Variants in PPP1R21 observed in about 807,000 individuals in gnomAD.
PPP1R21 encodes protein phosphatase 1 regulatory subunit 21.
In PPP1R21, 85 loss-of-function variants were observed where a neutral mutation model predicts 112.8. The ratio of observed to expected loss-of-function variants is 0.75; its 90% CI spans 0.63 to 0.90. The LOEUF is 0.90. Among genes scored for constraint, PPP1R21 ranks in the 40% least tolerant of loss-of-function variants. PPP1R21 has a pLI of 0.00. For synonymous variants in PPP1R21, 381 were observed against 322.3 expected (o/e 1.18, Z -1.95); for missense variants, 1,199 against 901.5 (o/e 1.33, Z -4.23).
At chr2:48,470,014 A>G (rs1266456705) in intron 9 of PPP1R21, among the ~76,000 whole-genome samples, 1 of 152,160 alleles carries the variant, frequency 6.6e-6, no homozygotes, top group Non-Finnish European at 1.5e-5. Flanking sequence ...GGTCAGTTGA[A>G]TCACATTTCT....
In PPP1R21 at chr2:48,478,564, G is replaced by A. The variant is rs979821843; in HGVS notation, c.1226-1360G>A. ...TGATTGCTCTCATTTTCAAAATGTC[G>A]TGGGGCATCAATTGTCTATTCAGAG... On this transcript the variant is annotated intron_variant, in intron 12 of 21. Coordinates refer to ENST00000294952, the MANE Select transcript of PPP1R21 (RefSeq NM_001135629.3). 6.6e-5 allele frequency among the ~76,000 whole-genome samples: 10 copies of A among 152,252 alleles called. No individual in the cohort carries two copies. The East Asian group carries it at 1.4e-3, about 21-fold the overall frequency.
intron 17 of PPP1R21, among the ~76,000 whole-genome samples, chr2:48,503,081 A>G (rs1293056138): frequency 1.3e-5 from 2 of 152,190 alleles, no homozygotes; most frequent in Non-Finnish European, 2.9e-5. Flanking sequence ...CACCTATTAT[A>G]TATTATAAAA....
At chr2:48,484,532 T>TTG (rs1669185424) in intron 13 of PPP1R21, among the ~76,000 whole-genome samples, 1 of 95,620 alleles carries the variant, frequency 1.0e-5, no homozygotes, top group Non-Finnish European at 2.3e-5. Context: ...TTTTTTTTTT[T>TTG]TCTGGACTGA....
intron 1 of PPP1R21, among the ~76,000 whole-genome samples, chr2:48,443,512 A>C (rs534024281): frequency 3.9e-4 from 59 of 152,358 alleles, no homozygotes; most frequent in African/African-American, 1.3e-3. Context: ...TAATCAGGGT[A>C]GAAATTGGGA....
At chr2:48,456,106 T>G (rs1046599717) in intron 3 of PPP1R21, among the ~76,000 whole-genome samples, 11 of 152,126 alleles carry the variant, frequency 7.2e-5, no homozygotes, top group African/African-American at 2.7e-4. Context: ...TAGCATTTAT[T>G]CTTACGAGGC....
chr2:48,515,126 G>T lies in PPP1R21; in HGVS notation c.*382G>T. ...ATCTATGGAATAGATATATGTTTCT[G>T]GAAAAAAATGCTTAAATTGTCAAAC... On this transcript the variant is annotated 3_prime_UTR_variant, in exon 22 of 22. Coordinates refer to ENST00000294952, the MANE Select transcript of PPP1R21 (RefSeq NM_001135629.3). 1 of 169,796 alleles carries T rather than the reference G, an allele frequency of 5.9e-6. No homozygotes were observed. Among genetic ancestry groups the T allele is most frequent in the Non-Finnish European group, 1.2e-5 (1 of 80,344 alleles). The allele number at this position is 169,796 out of a possible 1,614,324, so 10.5% of individuals were successfully genotyped here.
chr2:48,493,678 ATAAT>A (rs1187337821), intron 15 of PPP1R21, among the ~76,000 whole-genome samples: 1 of 152,222 alleles, frequency 6.6e-6, no homozygotes, highest in Non-Finnish European at 1.5e-5. Flanking sequence ...AAGGATCTAA[ATAAT>A]TATTTTTTTT....
At chr2:48,453,384 C>T (rs984443717) in intron 2 of PPP1R21, among the ~76,000 whole-genome samples, 19 of 151,876 alleles carry the variant, frequency 1.3e-4, no homozygotes, top group Admixed American at 1.0e-3. Flanking sequence ...ATAGAGATGA[C>T]GTCTCACTAT....
Position 48,465,599 on chromosome 2 carries a change from C to T in PPP1R21, c.854C>T (p.Pro285Leu), listed in dbSNP as rs750743243. ...TYTEQRIQIF[P>L]VDSAIDTISP... is the part of the protein sequence containing the mutation. ...ACAGAACAGAGGATTCAAATTTTTC[C>T]TGTTGATTCTGCCATTGACACTATA... The change falls in exon 9 of 22, where the codon CCT becomes CTT. Residue 285 changes from proline to leucine, a missense_variant. Coordinates refer to ENST00000294952, the MANE Select transcript of PPP1R21 (RefSeq NM_001135629.3). 1.2e-6 allele frequency: 2 copies of T among 1,613,630 alleles called. No homozygotes were observed. The highest frequency in any genetic ancestry group is 2.2e-5 in the East Asian group (1 of 44,866).
Position 48,493,883 on chromosome 2 carries a change from C to T in PPP1R21, c.1600-1796C>T, listed in dbSNP as rs564046187. ...AGTTAGTGTAGCTTATACTGATGCT[C>T]CTTGACTTATGATGGGATTACGTCC... On this transcript the variant is annotated intron_variant, in intron 15 of 21. Transcript: ENST00000294952. Among the ~76,000 whole-genome samples the T allele has an allele frequency of 3.9e-5, 6 of 151,934 alleles. No individual in the cohort carries two copies. The South Asian group carries it at 1.2e-3, about 32-fold the overall frequency.
chr2:48,461,319 G>A, intron 7 of PPP1R21, 87 bp downstream of exon 7: 5 of 1,365,556 alleles, frequency 3.7e-6, no homozygotes, highest in Non-Finnish European at 4.7e-6. Context: ...TAATCTTTTG[G>A]GCAAAAAATT....
intron 15 of PPP1R21, among the ~76,000 whole-genome samples, chr2:48,494,176 C>T (rs1669700910): frequency 8.0e-6 from 1 of 125,052 alleles, no homozygotes; most frequent in African/African-American, 3.0e-5. Context: ...GAGGTCAAGG[C>T]TGCAGTGAGT....
At chr2:48,462,083 G>C (rs1572843618) in intron 7 of PPP1R21, among the ~76,000 whole-genome samples, 1 of 152,310 alleles carries the variant, frequency 6.6e-6, no homozygotes, top group East Asian at 1.9e-4. Flanking sequence ...ATTTGAAACT[G>C]TGGCATTACA....
In PPP1R21 at chr2:48,479,654, C is replaced by T. The variant is rs1050801759; in HGVS notation, c.1226-270C>T. The T allele has an allele frequency of 3.3e-5, 20 of 612,982 alleles. No homozygotes were observed. The Middle Eastern group carries it at 8.1e-4, about 25-fold the overall frequency. The allele number at this position is 612,982 out of a possible 1,614,324, so 38.0% of individuals were successfully genotyped here. A position where few individuals can be genotyped will look rare whatever the true frequency, so the allele number is the denominator to read the frequency against. ...AACATTCACAAAGACTTTCGTTTTACAAAGAATCATGACAGACTTAATCCT... is the reference window on the plus strand; with the variant it reads ...AACATTCACAAAGACTTTCGTTTTATAAAGAATCATGACAGACTTAATCCT... On this transcript the variant is annotated intron_variant, in intron 12 of 21. Coordinates refer to ENST00000294952, the MANE Select transcript of PPP1R21 (RefSeq NM_001135629.3).
chr2:48,477,520 T>C (rs1668812697), intron 12 of PPP1R21, among the ~76,000 whole-genome samples: 1 of 152,214 alleles, frequency 6.6e-6, no homozygotes, highest in Non-Finnish European at 1.5e-5. Flanking sequence ...CTGGGTACCC[T>C]TGTGGAGAAT....
intron 17 of PPP1R21, among the ~76,000 whole-genome samples, chr2:48,500,055 C>G (rs972359934): frequency 1.3e-5 from 2 of 152,028 alleles, no homozygotes; most frequent in Non-Finnish European, 2.9e-5. Context: ...CTCACTGATG[C>G]TATTGAAGAG....
At chr2:48,452,257 T>C (rs906471783) in intron 2 of PPP1R21, among the ~76,000 whole-genome samples, 3 of 152,212 alleles carry the variant, frequency 2.0e-5, no homozygotes, top group African/African-American at 7.2e-5. Context: ...ATGGCAGTAA[T>C]GGTAGGAACA....
chr2:48,456,333 A>G (rs1464860909), intron 3 of PPP1R21, among the ~76,000 whole-genome samples: 1 of 151,326 alleles, frequency 6.6e-6, no homozygotes, highest in Admixed American at 6.6e-5. Flanking sequence ...CCACAAATGT[A>G]TGTATTGAGG....
At position 48,467,543 on chromosome 2, in the gene PPP1R21, C is replaced by T. The variant is rs374521944; in HGVS notation, c.897+1901C>T. Among the ~76,000 whole-genome samples the T allele has an allele frequency of 6.6e-5, 10 of 152,134 alleles. No homozygotes were observed. In the South Asian group the frequency reaches 1.9e-3, roughly 28 times the overall value. The stretch of plus-strand genomic sequence containing the variant: ...CTGGGGGATTTGCATCCCAGGTGGC[C>T]GACTTACATGCCTGGTGAGTTAGTG... On this transcript the variant is annotated intron_variant, in intron 9 of 21. Coordinates refer to ENST00000294952, the MANE Select transcript of PPP1R21 (RefSeq NM_001135629.3).
Sources: allele counts gnomAD v4.1 joint callset (sites outside exome capture counted in the v4.1 genomes callset), GRCh38; gene constraint gnomAD v4.1.1; transcripts MANE v1.5; gene names NCBI Gene and HGNC (gene_info 2026-07-23, HGNC 2026-07-21).